The following DMD variants were observed in gnomAD, a reference collection of about 807,000 sequenced individuals.
The protein encoded by DMD is mutant dystrophin.
In DMD, 63 loss-of-function variants were observed where a neutral mutation model predicts 330.1. The ratio of observed to expected loss-of-function variants is 0.19; its 90% CI spans 0.16 to 0.24. The LOEUF (loss-of-function observed/expected upper bound fraction) is 0.24. Ranked by LOEUF, DMD falls within the 10% of genes least tolerant of loss-of-function variation. The probability of loss-of-function intolerance (pLI) is 1.00; values close to 1 mark genes in which losing one functional copy is unlikely to be tolerated. For missense variants in DMD, 3,344 were observed against 2,684.1 expected (o/e 1.25, Z -5.43); for synonymous variants, 1,223 against 959.8 (o/e 1.27, Z -5.07).
At position 32,830,818 on chromosome X, in the gene DMD, G is replaced by A. The variant is rs527403878; in HGVS notation, c.265-7431C>T. On this transcript the variant is annotated intron_variant, in intron 4 of 78. Transcript: ENST00000357033. Reference sequence around the variant, plus strand: ...TTTTGGAGGATAGAAAACCTCCATGGTTTGCTTTGACATAATGGAAACTTA... The same window carrying A: ...TTTTGGAGGATAGAAAACCTCCATGATTTGCTTTGACATAATGGAAACTTA... Among the ~76,000 whole-genome samples the A allele has an allele frequency of 5.8e-4, 64 of 110,917 alleles. No homozygotes were observed. The South Asian group carries it at 0.023, about 39-fold the overall frequency.
At chrX:33,208,095 C>T (rs1448131088) in intron 1 of DMD, among the ~76,000 whole-genome samples, 1 of 111,234 alleles carries the variant, frequency 9.0e-6, no homozygotes, top group African/African-American at 3.3e-5. Flanking sequence ...TGTGATTTGG[C>T]GTGCCTTCAA....
intron 60 of DMD, among the ~76,000 whole-genome samples, chrX:31,372,240 T>C (rs376027802): frequency 8.9e-6 from 1 of 111,951 alleles, no homozygotes; most frequent in Non-Finnish European, 1.9e-5. Context: ...TCTTGCAAGA[T>C]TAACTTGACA....
intron 44 of DMD, among the ~76,000 whole-genome samples, chrX:32,125,519 G>C (rs1293322394): frequency 1.8e-5 from 2 of 111,628 alleles, no homozygotes; most frequent in African/African-American, 6.5e-5. Context: ...TTAGGCAGGG[G>C]GGTATGTATA....
At chrX:33,096,100 G>T (rs889197399) in intron 1 of DMD, among the ~76,000 whole-genome samples, 2 of 104,386 alleles carry the variant, frequency 1.9e-5, no homozygotes, top group African/African-American at 7.0e-5. Context: ...TCAGCCTCCA[G>T]AGTAGCTGGG....
chrX:32,527,787 G>C (rs2047056237), intron 17 of DMD, among the ~76,000 whole-genome samples: 2 of 110,648 alleles, frequency 1.8e-5, no homozygotes, highest in South Asian at 7.6e-4. Context: ...TTAACCAAAA[G>C]AAAACAAGCT....
chrX:32,536,319 G>A (rs1332198850), intron 17 of DMD, among the ~76,000 whole-genome samples: 3 of 105,905 alleles, frequency 2.8e-5, no homozygotes, highest in African/African-American at 1.1e-4. Flanking sequence ...GCCTCTGCAA[G>A]GTTAGATAAC....
intron 44 of DMD, among the ~76,000 whole-genome samples, chrX:31,992,213 T>C (rs1470186441): frequency 8.9e-6 from 1 of 111,760 alleles, no homozygotes; most frequent in Non-Finnish European, 1.9e-5. Flanking sequence ...GAGAGGATAG[T>C]GAAGGATTTA....
At chrX:31,761,694 T>C (rs1315133264) in intron 51 of DMD, among the ~76,000 whole-genome samples, 2 of 112,370 alleles carry the variant, frequency 1.8e-5, no homozygotes, top group Non-Finnish European at 3.8e-5. Flanking sequence ...TACTGCTTTC[T>C]CTTTCTCCAA....
At chrX:31,768,268 C>T (rs189266751) in intron 51 of DMD, among the ~76,000 whole-genome samples, 4 of 111,221 alleles carry the variant, frequency 3.6e-5, no homozygotes, top group Admixed American at 1.9e-4. Context: ...TTGATAGCAA[C>T]ACTAGTCTCC....
At chrX:32,995,383 C>T (rs1041376961) in intron 2 of DMD, among the ~76,000 whole-genome samples, 4 of 112,271 alleles carry the variant, frequency 3.6e-5, no homozygotes, top group Admixed American at 9.4e-5. Flanking sequence ...CAAAAAGTCA[C>T]GGACAACAAG....
intron 9 of DMD, among the ~76,000 whole-genome samples, chrX:32,667,263 G>T (rs1490046430): frequency 9.0e-6 from 1 of 111,354 alleles, no homozygotes; most frequent in Non-Finnish European, 1.9e-5. Flanking sequence ...GTTATTACTG[G>T]CCCGGAAGAC....
intron 7 of DMD, among the ~76,000 whole-genome samples, chrX:32,751,925 G>A (rs993408438): frequency 8.9e-6 from 1 of 112,770 alleles, no homozygotes; most frequent in Non-Finnish European, 1.9e-5. Context: ...ACGTCGTGTT[G>A]AGCCCGCAGG....
chrX:31,135,830 G>A lies in DMD; in HGVS notation c.10922-1636C>T, dbSNP rs967338601. On this transcript the variant is annotated intron_variant, in intron 76 of 78. Transcript: ENST00000357033. ...TCACTTCCATCTAAAACAAGACCTT[G>A]CTTTAGCAAGTCAACCATAATGAAC... Among the ~76,000 whole-genome samples, 2 of 112,275 alleles carry A rather than the reference G, an allele frequency of 1.8e-5. 1 individual carries two copies. The highest frequency in any genetic ancestry group is 6.5e-5 in the African/African-American group (2 of 30,938).
At chrX:31,654,798 A>C (rs1315518364) in intron 54 of DMD, among the ~76,000 whole-genome samples, 2 of 111,290 alleles carry the variant, frequency 1.8e-5, no homozygotes, top group Non-Finnish European at 3.8e-5. Context: ...CAGGAAAGTC[A>C]ACTAACGGGT....
intron 44 of DMD, among the ~76,000 whole-genome samples, chrX:32,079,699 A>G (rs1314336525): frequency 8.9e-6 from 1 of 111,938 alleles, no homozygotes; most frequent in Non-Finnish European, 1.9e-5. Context: ...TCTGAACCAA[A>G]GTGGTCATCC....
At chrX:32,764,845 T>A (rs1201637372) in intron 7 of DMD, among the ~76,000 whole-genome samples, 1 of 111,350 alleles carries the variant, frequency 9.0e-6, no homozygotes, top group Non-Finnish European at 1.9e-5. Flanking sequence ...ACGTTCTATA[T>A]TTTGAGAAAC....
At chrX:31,982,194 C>T (rs1430683330) in intron 44 of DMD, among the ~76,000 whole-genome samples, 2 of 111,468 alleles carry the variant, frequency 1.8e-5, no homozygotes, top group African/African-American at 6.5e-5. Context: ...TTTTTTCCAG[C>T]TAATGAAAGT....
rs2093501857 is a variant in DMD at position 33,009,152 on chromosome X, ACG to A, written c.93+10985_93+10986del. On this transcript the variant is annotated intron_variant, in intron 2 of 78. Coordinates refer to ENST00000357033, the MANE Select transcript of DMD (RefSeq NM_004006.3). ...TATATGTATATATATGTGTATATAT[ACG>A]TATATATGTATATATATGTGTATAT... Among the ~76,000 whole-genome samples the A allele has an allele frequency of 1.9e-4, 5 of 27,001 alleles. 1 individual carries two copies. The highest frequency in any genetic ancestry group is 3.8e-3 in the South Asian group (2 of 521). The allele number at this position is 27,001 out of a possible 115,157, so 23.4% of individuals were successfully genotyped here.
At chrX:32,440,377 T>G (rs1484848522) in intron 28 of DMD, among the ~76,000 whole-genome samples, 2 of 111,491 alleles carry the variant, frequency 1.8e-5, no homozygotes, top group African/African-American at 6.5e-5. Flanking sequence ...GATCTATAGG[T>G]GTCTACTCTG....
Sources: allele counts gnomAD v4.1 joint callset (sites outside exome capture counted in the v4.1 genomes callset), GRCh38; gene constraint gnomAD v4.1.1; transcripts MANE v1.5; gene names NCBI Gene and HGNC (gene_info 2026-07-23, HGNC 2026-07-21).